Variants in CRACR2A observed in about 807,000 individuals in gnomAD.
CRACR2A encodes the protein calcium release activated channel regulator 2A.
A neutral mutation model predicts 90.5 loss-of-function variants in CRACR2A; 79 were observed. That is an observed-to-expected ratio of 0.87 (90% confidence interval 0.73 to 1.05). The LOEUF (loss-of-function observed/expected upper bound fraction) is 1.05, where lower values mean the gene tolerates loss of function less well. Among genes scored for constraint, CRACR2A ranks in the 50% least tolerant of loss-of-function variants. The pLI is 0.00. For missense variants in CRACR2A, 823 were observed against 897.2 expected (o/e 0.92, Z 1.06); for synonymous variants, 338 against 356.7 (o/e 0.95, Z 0.59).
intron 3 of CRACR2A, among the ~76,000 whole-genome samples, 185 bp from the exon 4 acceptor site, chr12:3,697,220 T>A (rs1945756422): frequency 6.6e-6 from 1 of 151,804 alleles, no homozygotes; most frequent in Non-Finnish European, 1.5e-5. Flanking sequence ...CACTAATAGA[T>A]CAGCAAGCCC....
At chr12:3,647,490 A>G (rs1363319053) in intron 11 of CRACR2A, among the ~76,000 whole-genome samples, 1 of 152,186 alleles carries the variant, frequency 6.6e-6, no homozygotes, top group Non-Finnish European at 1.5e-5. Flanking sequence ...TAGAAAAAAA[A>G]GACCCCAAAC....
chr12:3,662,904 A>T (rs957175201), intron 7 of CRACR2A, among the ~76,000 whole-genome samples: 1 of 152,242 alleles, frequency 6.6e-6, no homozygotes, highest in African/African-American at 2.4e-5. Context: ...TGCTTATCAT[A>T]TACATCCTCG....
intron 11 of CRACR2A, among the ~76,000 whole-genome samples, chr12:3,644,991 C>T (rs1256698244): frequency 6.6e-6 from 1 of 152,216 alleles, no homozygotes; most frequent in Non-Finnish European, 1.5e-5. Context: ...TCTCTCTGTG[C>T]ACCATTCATT....
chr12:3,701,737 A>C (rs1285206403), intron 3 of CRACR2A, among the ~76,000 whole-genome samples: 1 of 152,178 alleles, frequency 6.6e-6, no homozygotes, highest in Non-Finnish European at 1.5e-5. Flanking sequence ...AATTCTATCA[A>C]ATATTTAAAG....
chr12:3,616,732 G>A (rs539369024), intron 19 of CRACR2A, among the ~76,000 whole-genome samples: 2 of 152,200 alleles, frequency 1.3e-5, no homozygotes, highest in African/African-American at 4.8e-5. Context: ...TGACAGGTAG[G>A]GATGCTTTCT....
intron 10 of CRACR2A, among the ~76,000 whole-genome samples, chr12:3,648,936 T>C (rs992348496): frequency 1.1e-4 from 17 of 152,128 alleles, no homozygotes; most frequent in African/African-American, 4.1e-4. Context: ...CCACTTCACA[T>C]GCCACCTGTG....
At chr12:3,710,621 C>A (rs374118669) in intron 3 of CRACR2A, among the ~76,000 whole-genome samples, 1 of 151,776 alleles carries the variant, frequency 6.6e-6, no homozygotes, top group Admixed American at 6.6e-5. Flanking sequence ...GGTGAAACCC[C>A]GTCTCTACTA....
At chr12:3,616,848 A>AG (rs1201653734) in intron 19 of CRACR2A, 106 bp downstream of exon 19, 3 of 847,904 alleles carry the variant, frequency 3.5e-6, no homozygotes, top group Middle Eastern at 2.4e-4. Flanking sequence ...ATAGGGAGGA[A>AG]GGGGGGTCAG....
At chr12:3,688,306 G>A (rs571551099) in intron 4 of CRACR2A, among the ~76,000 whole-genome samples, 1 of 152,092 alleles carries the variant, frequency 6.6e-6, no homozygotes, top group African/African-American at 2.4e-5. Flanking sequence ...GTCTTCCAGG[G>A]TTTTTATAGT....
chr12:3,680,185 C>CA, intron 5 of CRACR2A, 53 bp downstream of exon 5: 1 of 1,445,812 alleles, frequency 6.9e-7, no homozygotes, highest in South Asian at 1.2e-5. Flanking sequence ...GCACCTTATA[C>CA]AGTGTTAGGT....
chr12:3,700,848 T>C (rs1945824386), intron 3 of CRACR2A, among the ~76,000 whole-genome samples: 1 of 152,228 alleles, frequency 6.6e-6, no homozygotes, highest in African/African-American at 2.4e-5. Flanking sequence ...TTGAATACTA[T>C]CAACCATCTT....
chr12:3,615,899 G>A (rs889899476), intron 19 of CRACR2A, among the ~76,000 whole-genome samples: 2 of 152,270 alleles, frequency 1.3e-5, no homozygotes, highest in Non-Finnish European at 2.9e-5. Context: ...ATACTGATGG[G>A]TCGTAACCTC....
chr12:3,697,239 G>C (rs915391333), intron 3 of CRACR2A, among the ~76,000 whole-genome samples: 2 of 152,216 alleles, frequency 1.3e-5, no homozygotes, highest in African/African-American at 4.8e-5. Flanking sequence ...CCATCAAAGG[G>C]AGGAGGGAAG....
intron 12 of CRACR2A, among the ~76,000 whole-genome samples, chr12:3,643,887 A>AT (rs5796068): frequency 0.62 from 61,486 of 99,762 alleles, 19,670 homozygotes; most frequent in East Asian, 0.83. Context: ...TATTTATATT[A>AT]ATATATAATA....
chr12:3,730,209 GA>G (rs774958648), intron 2 of CRACR2A: 8 of 152,226 alleles, frequency 5.3e-5, no homozygotes, highest in Admixed American at 1.3e-4. Flanking sequence ...TTTCCCCCTT[GA>G]AGAGACATGA....
chr12:3,698,974 G>A (rs368569036), intron 3 of CRACR2A, among the ~76,000 whole-genome samples: 2 of 152,198 alleles, frequency 1.3e-5, no homozygotes, highest in African/African-American at 4.8e-5. Flanking sequence ...GCTGCTCCCA[G>A]GAGATGAGGT....
Position 3,696,650 on chromosome 12 carries a change from C to T in CRACR2A, c.228+122G>A, listed in dbSNP as rs999173714. On this transcript the variant is annotated intron_variant, in intron 4 of 19. Transcript: ENST00000440314. ...TAGAGTTTGGGCAGATCCTTCCTTC[C>T]AAGACAGAACTGGTGGCATCTTTTC... 1.1e-5 allele frequency: 15 copies of T among 1,408,892 alleles called. No homozygotes were observed. In the Admixed American group the frequency reaches 1.4e-4, roughly 13 times the overall value. The allele number at this position is 1,408,892 out of a possible 1,614,324, so 87.3% of individuals were successfully genotyped here.
At chr12:3,631,850 G>A (rs532322522) in intron 15 of CRACR2A, among the ~76,000 whole-genome samples, 1 of 152,310 alleles carries the variant, frequency 6.6e-6, no homozygotes, top group South Asian at 2.1e-4. Context: ...CCCCAGGCAG[G>A]ACTCTGGACC....
intron 13 of CRACR2A, chr12:3,640,326 G>T: frequency 8.5e-6 from 2 of 234,730 alleles, no homozygotes. Context: ...GGTCCATTTG[G>T]CTCACTACTG....
Sources: allele counts gnomAD v4.1 joint callset (sites outside exome capture counted in the v4.1 genomes callset), GRCh38; gene constraint gnomAD v4.1.1; transcripts MANE v1.5; gene names NCBI Gene and HGNC (gene_info 2026-07-23, HGNC 2026-07-21).